Variants in ZNF518A observed in about 807,000 individuals in gnomAD.
ZNF518A encodes zinc finger protein 518.
In ZNF518A, 47 loss-of-function variants were observed where a neutral mutation model predicts 102.7. That is an observed-to-expected ratio of 0.46 (90% confidence interval 0.36 to 0.58). The LOEUF (loss-of-function observed/expected upper bound fraction) is 0.58. Ranked by LOEUF, ZNF518A falls within the 20% of genes least tolerant of loss-of-function variation. The pLI is 0.00. For synonymous variants in ZNF518A, 652 were observed against 594.6 expected, an observed-to-expected ratio of 1.10 and a Z score of -1.40; for missense variants, 1,793 against 1,699.8, an observed-to-expected ratio of 1.05 and a Z score of -0.96.
chr10:96,161,101 A>G lies in ZNF518A; in HGVS notation c.*327A>G. 5.0e-6 allele frequency: 1 copy of G among 198,048 alleles called. No homozygotes were observed. The highest frequency in any genetic ancestry group is 1.1e-5 in the Non-Finnish European group (1 of 89,244). 12.3% of individuals were successfully genotyped at this position (198,048 alleles called of 1,614,324 possible). A position where few individuals can be genotyped will look rare whatever the true frequency, so the allele number is the denominator to read the frequency against. On this transcript the variant is annotated 3_prime_UTR_variant, in exon 6 of 6. Coordinates refer to ENST00000316045, the MANE Select transcript of ZNF518A (RefSeq NM_001330736.2). ...TTAGTTCTTTAGTGACTCTTAGTAG[A>G]GGGTAATGGCTGACACCCCCATTCC...
chr10:96,151,395 T>A (rs1190511914), intron 3 of ZNF518A: 1 of 152,280 alleles, frequency 6.6e-6, no homozygotes. Flanking sequence ...AATAATGTCC[T>A]CTTTGCATCT....
chr10:96,180,180 CTTTTTTTTTTT>C (rs60561670), intron 1 of ZNF518A, among the ~76,000 whole-genome samples: 3 of 96,280 alleles, frequency 3.1e-5, no homozygotes, highest in South Asian at 3.8e-4. Context: ...GCTCCAGCCT[CTTTTTTTTTTT>C]TTTTTTTTTT....
chr10:96,140,263 CTG>C (rs1440051604), intron 3 of ZNF518A, among the ~76,000 whole-genome samples: 1 of 152,144 alleles, frequency 6.6e-6, no homozygotes, highest in Non-Finnish European at 1.5e-5. Context: ...GGTTGTGGAA[CTG>C]TATGAATTTT....
intron 3 of ZNF518A, among the ~76,000 whole-genome samples, chr10:96,142,356 T>TGTGTG (rs1564748601): frequency 3.9e-5 from 5 of 128,048 alleles, no homozygotes; most frequent in Admixed American, 8.3e-5. Flanking sequence ...GTGTGTGTGT[T>TGTGTG]TCTAGATTCC....
chr10:96,142,355 T>TGTGTGTGTG (rs1564748588), intron 3 of ZNF518A, among the ~76,000 whole-genome samples: 7 of 146,748 alleles, frequency 4.8e-5, no homozygotes, highest in Admixed American at 6.8e-5. Context: ...TGTGTGTGTG[T>TGTGTGTGTG]TTCTAGATTC....
upstream of ZNF518A, chr10:96,129,855 A>G (rs1166472258): frequency 1.3e-5 from 2 of 152,608 alleles, no homozygotes; most frequent in African/African-American, 4.8e-5. Context: ...GCAAAGAGGT[A>G]GTAGTGGGTC....
Position 96,156,671 on chromosome 10 carries a change from C to T in ZNF518A, c.349C>T (p.Leu117Phe). 6.2e-7 allele frequency: 1 copy of T among 1,613,608 alleles called. No homozygotes were observed. Among genetic ancestry groups the T allele is most frequent in the Non-Finnish European group, 8.5e-7 (1 of 1,179,716 alleles). ...EEGVKMSAKILNFSCLKCRDN... is the reference protein window; with the variant it reads ...EEGVKMSAKIFNFSCLKCRDN... ...GGGTGTAAAAATGTCTGCAAAAATA[C>T]TCAATTTCAGCTGTTTAAAATGCCG... Residue 117 changes from leucine (L) to phenylalanine (F), a missense_variant, in exon 6 of 6, where the codon CTC (leucine) becomes TTC (phenylalanine). Transcript: ENST00000316045.
At chr10:96,145,022 T>C (rs1318238354) in intron 3 of ZNF518A, among the ~76,000 whole-genome samples, 2 of 152,154 alleles carry the variant, frequency 1.3e-5, no homozygotes, top group Admixed American at 6.5e-5. Context: ...AGGAAACATA[T>C]TAGTTGAATA....
At chr10:96,197,923 A>G (rs148505974) in intron 1 of ZNF518A, among the ~76,000 whole-genome samples, 1 of 150,780 alleles carries the variant, frequency 6.6e-6, no homozygotes, top group African/African-American at 2.4e-5. Flanking sequence ...CAAAAAAAAA[A>G]AGAAAGAAAA....
At chr10:96,184,099 G>A (rs1332840103) in intron 1 of ZNF518A, among the ~76,000 whole-genome samples, 11 of 152,086 alleles carry the variant, frequency 7.2e-5, no homozygotes, top group African/African-American at 2.4e-4. Flanking sequence ...ATCTTTGTTG[G>A]TTTAAAGTCT....
chr10:96,203,941 G>A, exon 3 of ZNF518A: 3 of 769,132 alleles, frequency 3.9e-6, no homozygotes, highest in South Asian at 3.4e-5. Context: ...AGTGGGAGAA[G>A]ATGCCAGGAT....
rs868931261 is a variant in ZNF518A at position 96,158,586 on chromosome 10, A to G, written c.2264A>G (p.Asn755Ser). 7 of 1,613,276 alleles carry G rather than the reference A, an allele frequency of 4.3e-6. No individual in the cohort carries two copies. Among genetic ancestry groups the G allele is most frequent in the Middle Eastern group, 1.6e-4 (1 of 6,062 alleles). ...AAATCTAAATGGGAAGACTTTTCTAATGTCGATTCACCTATGATGCCTAGA... is the reference window on the plus strand; with the variant it reads ...AAATCTAAATGGGAAGACTTTTCTAGTGTCGATTCACCTATGATGCCTAGA... ...TEKSKWEDFS[N>S]VDSPMMPRIT... Residue 755 changes from asparagine to serine, a missense_variant, in exon 6 of 6, where the codon AAT becomes AGT. Around this residue, in one of 3 missense-constraint regions of ZNF518A, gnomAD observed 1,741 missense variants for 1,622.6 expected, o/e 1.07. Transcript: ENST00000316045.
In ZNF518A at chr10:96,160,151, T is replaced by C; in HGVS notation, c.3829T>C (p.Cys1277Arg). 1 of 1,609,698 alleles carries C rather than the reference T, an allele frequency of 6.2e-7. No individual in the cohort carries two copies. Among genetic ancestry groups the C allele is most frequent in the African/African-American group, 1.3e-5 (1 of 74,644 alleles). Reference sequence around the variant, plus strand: ...TGCCTTTGTATCTAGAAACAGAAACTGTAAACGAAAGTGTAGGGATAGTTA... The same window carrying C: ...TGCCTTTGTATCTAGAAACAGAAACCGTAAACGAAAGTGTAGGGATAGTTA... ...ETAFVSRNRN[C>R]KRKCRDSYQE... The change falls in exon 6 of 6, where the codon TGT becomes CGT. Residue 1277 changes from cysteine to arginine, a missense_variant. By Grantham distance (180) the Cys-to-Arg change is radical (BLOSUM62 -3). Around this residue, in one of 3 missense-constraint regions of ZNF518A, gnomAD observed 1,741 missense variants for 1,622.6 expected, o/e 1.07. Coordinates refer to ENST00000316045, the MANE Select transcript of ZNF518A (RefSeq NM_001330736.2).
intron 1 of ZNF518A, among the ~76,000 whole-genome samples, chr10:96,190,717 A>G (rs1220712515): frequency 1.3e-5 from 2 of 152,218 alleles, no homozygotes; most frequent in South Asian, 4.1e-4. Flanking sequence ...AGACTTAATT[A>G]GCTGCTTTAT....
chr10:96,152,421 T>G (rs2082493817), intron 3 of ZNF518A, among the ~76,000 whole-genome samples: 1 of 152,240 alleles, frequency 6.6e-6, no homozygotes, highest in South Asian at 2.1e-4. Flanking sequence ...AAATTTTTCT[T>G]TTTTTATGTT....
chr10:96,148,258 C>T (rs893197738), intron 3 of ZNF518A, among the ~76,000 whole-genome samples: 6 of 152,066 alleles, frequency 3.9e-5, no homozygotes, highest in East Asian at 1.9e-4. Flanking sequence ...CTGACCAACA[C>T]GGAGAAACCA....
In ZNF518A at chr10:96,156,551, A is replaced by G; in HGVS notation, c.229A>G (p.Lys77Glu). Residue 77 changes from lysine to glutamate, a missense_variant, in exon 6 of 6, where the codon AAA becomes GAA. By Grantham distance (56) the Lys-to-Glu change is moderately conservative (BLOSUM62 1). This residue lies in a region of ZNF518A where 1,741 missense variants were observed against 1,622.6 expected (regional missense o/e 1.07). Coordinates refer to ENST00000316045, the MANE Select transcript of ZNF518A (RefSeq NM_001330736.2). ...VDKYRKLFQSKQQTARKSISI... is the reference protein window; with the variant it reads ...VDKYRKLFQSEQQTARKSISI... Reference sequence around the variant, plus strand: ...CAAATACAGAAAATTATTTCAGAGTAAACAGCAGACTGCAAGAAAATCTAT... The same window carrying G: ...CAAATACAGAAAATTATTTCAGAGTGAACAGCAGACTGCAAGAAAATCTAT... 6.2e-7 allele frequency: 1 copy of G among 1,613,046 alleles called. No homozygotes were observed.
Position 96,159,365 on chromosome 10 carries a change from A to G in ZNF518A, c.3043A>G (p.Lys1015Glu). 1 of 1,613,852 alleles carries G rather than the reference A, an allele frequency of 6.2e-7. No individual in the cohort carries two copies. The highest frequency in any genetic ancestry group is 1.3e-5 in the African/African-American group (1 of 75,052). The change falls in exon 6 of 6, where the codon AAG (lysine) becomes GAG (glutamate). Residue 1015 changes from lysine to glutamate, a missense_variant. Physicochemically the swap from Lys to Glu is moderately conservative, Grantham distance 56. Transcript: ENST00000316045. ...GGAGCCTTGCAAAACACCTATTTTG[A>G]AGGTAGAACCAAACAATAATTGTCT... The part of the protein sequence containing the change: ...TKEPCKTPIL[K>E]VEPNNNCLTP...
At chr10:96,138,571 T>C (rs1554875352) in intron 3 of ZNF518A, among the ~76,000 whole-genome samples, 1 of 152,256 alleles carries the variant, frequency 6.6e-6, no homozygotes, top group African/African-American at 2.4e-5. Context: ...TGATTCTGCC[T>C]TTCTGTCTTT....
Sources: allele counts gnomAD v4.1 joint callset (sites outside exome capture counted in the v4.1 genomes callset), GRCh38; gene constraint gnomAD v4.1.1; regional missense constraint gnomAD v4.1.1; transcripts MANE v1.5; gene names NCBI Gene and HGNC (gene_info 2026-07-23, HGNC 2026-07-21).